CC2D2B: variants seen among roughly 807,000 people sequenced by gnomAD.
CC2D2B encodes protein CC2D2B.
CC2D2B carries 128 observed loss-of-function variants against 161.2 expected under a neutral mutation model. The ratio of observed to expected loss-of-function variants is 0.79; its 90% CI spans 0.69 to 0.92. CC2D2B has a LOEUF of 0.92. Among genes scored for constraint, CC2D2B ranks in the 40% least tolerant of loss-of-function variants. The pLI, the probability that CC2D2B is intolerant of heterozygous loss-of-function variation, is 0.00. For synonymous variants in CC2D2B, 391 were observed against 449.8 expected, an observed-to-expected ratio of 0.87 and a Z score of 1.65; for missense variants, 1,173 against 1,375.1, an observed-to-expected ratio of 0.85 and a Z score of 2.32.
chr10:96,010,351 A>G (rs1484536235), intron 26 of CC2D2B, among the ~76,000 whole-genome samples: 1 of 152,192 alleles, frequency 6.6e-6, no homozygotes, highest in Non-Finnish European at 1.5e-5. Flanking sequence ...ATTATGTAGC[A>G]GGAAAATGCC....
chr10:95,965,547 A>G (rs2076910940), intron 12 of CC2D2B, among the ~76,000 whole-genome samples: 1 of 152,034 alleles, frequency 6.6e-6, no homozygotes, highest in Admixed American at 6.6e-5. Context: ...TGAGAGAAAG[A>G]AAAATGAGAG....
chr10:95,917,543 AT>A (rs1388532182), intron 2 of CC2D2B, among the ~76,000 whole-genome samples: 1 of 151,726 alleles, frequency 6.6e-6, no homozygotes, highest in Non-Finnish European at 1.5e-5. Context: ...CTTGCTTTAT[AT>A]TTTTTGTGTA....
chr10:95,987,351 T>G (rs117018060), intron 19 of CC2D2B, among the ~76,000 whole-genome samples: 18 of 152,088 alleles, frequency 1.2e-4, no homozygotes, highest in African/African-American at 4.3e-4. Flanking sequence ...TAACGTGATA[T>G]GAAATGGCAA....
chr10:96,009,971 CAT>C lies in CC2D2B; in HGVS notation c.3045+50_3045+51del, dbSNP rs758817294. On this transcript the variant is annotated intron_variant, in intron 26 of 34. Coordinates refer to ENST00000646931, the MANE Select transcript of CC2D2B (RefSeq NM_001349008.3). ...TCATTCTAAGTTTTGACCTCTGGCT[CAT>C]AGAAAAACTTTCTGTTGTCTTTGAA... 12 of 1,156,086 alleles carry C rather than the reference CAT, an allele frequency of 1.0e-5. No individual in the cohort carries two copies. In the Admixed American group the frequency reaches 1.1e-4, roughly 10 times the overall value. The allele number at this position is 1,156,086 out of a possible 1,614,324, so 71.6% of individuals were successfully genotyped here.
intron 32 of CC2D2B, 133 bp downstream of exon 32, chr10:96,019,957 T>A: frequency 2.5e-6 from 2 of 786,242 alleles, no homozygotes; most frequent in Non-Finnish European, 3.9e-6. Context: ...ATTTAAAAAC[T>A]AGTTTTCTCT....
rs559738194 is a variant in CC2D2B at position 96,019,008 on chromosome 10, T to C, written c.3631-195T>C. 7.9e-5 allele frequency: 37 copies of C among 470,262 alleles called. 2 individuals carry two copies. The South Asian group carries it at 1.3e-3, about 17-fold the overall frequency. 29.1% of individuals were successfully genotyped at this position (470,262 alleles called of 1,614,324 possible). ...TTGTGATAGATACAGGGTTTCCTTA[T>C]GTTGCCCAGGCTGGTCTCAAACTCC... On this transcript the variant is annotated intron_variant, in intron 30 of 34. Transcript: ENST00000646931.
chr10:95,920,432 A>T (rs1339285745), intron 2 of CC2D2B: 1 of 152,130 alleles, frequency 6.6e-6, no homozygotes, highest in East Asian at 1.9e-4. Context: ...CACTATCATG[A>T]GAACAGCATG....
At chr10:95,915,014 A>G (rs1386936407) in intron 2 of CC2D2B, among the ~76,000 whole-genome samples, 1 of 152,172 alleles carries the variant, frequency 6.6e-6, no homozygotes, top group African/African-American at 2.4e-5. Flanking sequence ...TAGAATGGAC[A>G]TTTTAACAAT....
chr10:95,935,484 ATTT>A (rs58521001), intron 6 of CC2D2B, among the ~76,000 whole-genome samples: 5 of 140,078 alleles, frequency 3.6e-5, no homozygotes, highest in African/African-American at 5.2e-5. Flanking sequence ...TCTAAGACAG[ATTT>A]TTTTTTTTTT....
At chr10:96,005,319 T>C (rs371265466) in intron 25 of CC2D2B, among the ~76,000 whole-genome samples, 1 of 152,170 alleles carries the variant, frequency 6.6e-6, no homozygotes, top group African/African-American at 2.4e-5. Context: ...TTTGTTGTTA[T>C]TGGAATGAGA....
chr10:95,998,099 A>T (rs1357225004), intron 24 of CC2D2B, among the ~76,000 whole-genome samples: 6 of 150,116 alleles, frequency 4.0e-5, no homozygotes, highest in African/African-American at 9.8e-5. Context: ...AATTTTTTTT[A>T]AATTAAGAGA....
At position 96,012,336 on chromosome 10, in the gene CC2D2B, CA is replaced by C; in HGVS notation, c.3198del (p.Tyr1067MetfsTer8). 1.4e-6 allele frequency: 1 copy of C among 701,858 alleles called. No individual in the cohort carries two copies. The highest frequency in any genetic ancestry group is 1.6e-5 in the South Asian group (1 of 64,482). 43.5% of individuals were successfully genotyped at this position (701,858 alleles called of 1,614,324 possible). A position where few individuals can be genotyped will look rare whatever the true frequency, so the allele number is the denominator to read the frequency against. ...TTTGCTACCATTGAACCTCAAATATCATATGTCACCTGTAATCCAACACTAG... is the reference window on the plus strand; with the variant it reads ...TTTGCTACCATTGAACCTCAAATATCTATGTCACCTGTAATCCAACACTAG... ...NIFATIEPQI[S>X]YVTCNPTLDK... On this transcript the variant is annotated frameshift_variant, in exon 27 of 35. Transcript: ENST00000646931. LOFTEE classifies it high-confidence loss of function.
rs189249559 is a variant in CC2D2B at position 96,030,937 on chromosome 10, A to C, written c.4126-883A>C. ...CTACTCAGTAGCTTTGACCTAGGGC[A>C]AGTGACCGAATCTCTCTATACCCTC... is the stretch of plus-strand genomic sequence containing the variant. On this transcript the variant is annotated intron_variant, in intron 34 of 34. Coordinates refer to ENST00000646931, the MANE Select transcript of CC2D2B (RefSeq NM_001349008.3). Among the ~76,000 whole-genome samples the C allele has an allele frequency of 3.2e-3, 481 of 152,316 alleles. 1 individual carries two copies. The highest frequency in any genetic ancestry group is 0.011 in the African/African-American group (459 of 41,582).
intron 9 of CC2D2B, among the ~76,000 whole-genome samples, chr10:95,945,510 G>A (rs1054792726): frequency 3.3e-5 from 5 of 152,038 alleles, no homozygotes; most frequent in African/African-American, 4.8e-5. Flanking sequence ...GATTAGTTTC[G>A]TCTGACCATT....
At chr10:95,984,458 TAAAG>T (rs1295712012) in intron 19 of CC2D2B, 1 of 152,162 alleles carries the variant, frequency 6.6e-6, no homozygotes, top group Non-Finnish European at 1.5e-5. Flanking sequence ...TAGAGATGCT[TAAAG>T]TGTCATCATG....
At chr10:95,962,051 A>G in intron 12 of CC2D2B, 82 bp downstream of exon 12, 8 of 1,030,780 alleles carry the variant, frequency 7.8e-6, no homozygotes, top group Non-Finnish European at 9.9e-6. Context: ...GACTAGGAAG[A>G]CATCCAGAAG....
At chr10:95,921,954 T>C in intron 2 of CC2D2B, 62 bp from the exon 3 acceptor site, 1 of 879,508 alleles carries the variant, frequency 1.1e-6, no homozygotes, top group Non-Finnish European at 1.8e-6. Context: ...ATAATAATAA[T>C]AATAAAAGAT....
intron 24 of CC2D2B, among the ~76,000 whole-genome samples, chr10:96,002,357 T>C (rs1029344756): frequency 6.6e-6 from 1 of 152,042 alleles, no homozygotes; most frequent in African/African-American, 2.4e-5. Context: ...AATGGATAAG[T>C]AGTCATAATA....
chr10:95,983,389 C>T (rs2077602558), intron 18 of CC2D2B, among the ~76,000 whole-genome samples: 4 of 152,232 alleles, frequency 2.6e-5, no homozygotes, highest in South Asian at 4.1e-4. Flanking sequence ...CGAATATTTT[C>T]GTTTTCTTTG....
Sources: allele counts gnomAD v4.1 joint callset (sites outside exome capture counted in the v4.1 genomes callset), GRCh38; gene constraint gnomAD v4.1.1; transcripts MANE v1.5; gene names NCBI Gene and HGNC (gene_info 2026-07-23, HGNC 2026-07-21).